The following FLACC1 variants were observed in gnomAD, a reference collection of about 807,000 sequenced individuals.
FLACC1 encodes flagellum-associated coiled-coil domain-containing protein 1.
A neutral mutation model predicts 62.8 loss-of-function variants in FLACC1; 66 were observed. The observed-to-expected ratio is 1.05, with a 90% CI of 0.86 to 1.29. The LOEUF (loss-of-function observed/expected upper bound fraction) is 1.29. Among genes scored for constraint, FLACC1 ranks in the 50% most tolerant of loss-of-function variants. The pLI is 0.00. For synonymous variants in FLACC1, 156 were observed against 161.0 expected (o/e 0.97, Z 0.24); for missense variants, 452 against 489.1 (o/e 0.92, Z 0.71).
intron 9 of FLACC1, among the ~76,000 whole-genome samples, chr2:201,317,365 AT>A (rs1462416295): frequency 1.3e-5 from 2 of 152,230 alleles, no homozygotes; most frequent in East Asian, 3.8e-4. Flanking sequence ...CAGATACAAA[AT>A]TAATGTGCAC....
intron 9 of FLACC1, among the ~76,000 whole-genome samples, chr2:201,311,364 T>C (rs974877530): frequency 1.3e-5 from 2 of 152,208 alleles, no homozygotes; most frequent in Admixed American, 6.5e-5. Context: ...AATATCCCTA[T>C]GAACATAGAC....
intron 7 of FLACC1, among the ~76,000 whole-genome samples, chr2:201,332,671 T>C (rs971335081): frequency 2.0e-5 from 3 of 152,184 alleles, no homozygotes; most frequent in Non-Finnish European, 1.5e-5. Flanking sequence ...ATATTTCTCC[T>C]GCCTAATTGA....
At chr2:201,336,286 C>T (rs1950695138) in intron 7 of FLACC1, among the ~76,000 whole-genome samples, 1 of 152,116 alleles carries the variant, frequency 6.6e-6, no homozygotes, top group African/African-American at 2.4e-5. Context: ...TGTGTTAATT[C>T]ACTTAGGATA....
chr2:201,296,867 A>G (rs1260246131), intron 12 of FLACC1, among the ~76,000 whole-genome samples: 1 of 152,162 alleles, frequency 6.6e-6, no homozygotes, highest in Non-Finnish European at 1.5e-5. Flanking sequence ...TACTGTTTAC[A>G]TTATGCTCCA....
chr2:201,293,169 G>C (rs976632994), intron 12 of FLACC1, among the ~76,000 whole-genome samples: 2 of 152,144 alleles, frequency 1.3e-5, no homozygotes, highest in South Asian at 4.2e-4. Context: ...GCACCAAGCA[G>C]ACCTAATAGA....
intron 12 of FLACC1, among the ~76,000 whole-genome samples, chr2:201,292,696 G>A (rs1429515454): frequency 6.6e-6 from 1 of 152,134 alleles, no homozygotes; most frequent in Non-Finnish European, 1.5e-5. Context: ...AAATGTAAAT[G>A]GGCTAAATGC....
At chr2:201,322,892 A>G (rs1950431600) in intron 9 of FLACC1, among the ~76,000 whole-genome samples, 1 of 152,096 alleles carries the variant, frequency 6.6e-6, no homozygotes, top group Non-Finnish European at 1.5e-5. Context: ...TATTATCAAG[A>G]AAAAACAATA....
intron 9 of FLACC1, among the ~76,000 whole-genome samples, chr2:201,320,994 C>G (rs1950393013): frequency 6.6e-6 from 1 of 152,212 alleles, no homozygotes; most frequent in Non-Finnish European, 1.5e-5. Flanking sequence ...GTAATCTCAG[C>G]TATCACCACT....
rs1010742306 is a variant in FLACC1 at position 201,335,934 on chromosome 2, C to G, written c.525-5101G>C. Among the ~76,000 whole-genome samples the G allele has an allele frequency of 1.2e-3, 188 of 152,182 alleles. 1 individual carries two copies. The highest frequency in any genetic ancestry group is 4.4e-3 in the African/African-American group (183 of 41,544). On this transcript the variant is annotated intron_variant, in intron 7 of 14. Transcript: ENST00000392257. ...CTAGCTATCTTATTTTTTAAGCTGT[C>G]ATAAATAGAATTGTCTTCTTAATTT...
intron 7 of FLACC1, among the ~76,000 whole-genome samples, chr2:201,332,891 C>T (rs1004024788): frequency 6.6e-6 from 1 of 152,136 alleles, no homozygotes; most frequent in African/African-American, 2.4e-5. Context: ...CCAGAATTTC[C>T]TTCTTTTTAA....
rs1004423229 is a variant in FLACC1 at position 201,299,238 on chromosome 2, C to A, written c.942G>T (p.Glu314Asp). The change falls in exon 12 of 15, where the codon GAG becomes GAT. Residue 314 changes from glutamate to aspartate, a missense_variant and splice_region_variant. Physicochemically the swap from Glu to Asp is conservative, Grantham distance 45 (BLOSUM62 2). Coordinates refer to ENST00000392257, the MANE Select transcript of FLACC1 (RefSeq NM_001127391.3). ...LQLEELRKTK[E>D]VMQEELHAQA... ...CACAGGAAAGGATGAAAAAGCTTAC[C>A]TCTTTGGTTTTTCTCAGCTCTTCTA... is the stretch of plus-strand genomic sequence containing the variant. 5 of 1,613,190 alleles carry A rather than the reference C, an allele frequency of 3.1e-6. No individual in the cohort carries two copies. The highest frequency in any genetic ancestry group is 4.2e-6 in the Non-Finnish European group (5 of 1,179,656).
intron 12 of FLACC1, among the ~76,000 whole-genome samples, chr2:201,295,786 A>C (rs1277376114): frequency 1.3e-5 from 2 of 152,220 alleles, no homozygotes; most frequent in East Asian, 3.8e-4. Flanking sequence ...AATATTCCAG[A>C]ATCTACAATG....
intron 3 of FLACC1, among the ~76,000 whole-genome samples, chr2:201,349,687 T>C (rs1478526790): frequency 6.6e-6 from 1 of 152,200 alleles, no homozygotes; most frequent in Non-Finnish European, 1.5e-5. Flanking sequence ...CGAGTAAAAA[T>C]TTTAATTTGT....
chr2:201,348,338 C>T (rs3731711), intron 3 of FLACC1, 36 bp from the exon 4 acceptor site: 1 of 1,605,534 alleles, frequency 6.2e-7, no homozygotes, highest in Admixed American at 1.7e-5. Flanking sequence ...AGCAACCAGA[C>T]AGCAAAGAGA....
At chr2:201,359,600 T>C (rs1009169542), upstream of FLACC1, among the ~76,000 whole-genome samples, 11 of 152,288 alleles carry the variant, frequency 7.2e-5, no homozygotes, top group African/African-American at 2.6e-4. Context: ...AGAGGTTTAT[T>C]AACCTCATGA....
intron 9 of FLACC1, among the ~76,000 whole-genome samples, chr2:201,315,009 G>T (rs928427454): frequency 2.6e-5 from 4 of 151,986 alleles, no homozygotes; most frequent in Non-Finnish European, 5.9e-5. Context: ...CACTACCAAG[G>T]CAGCACTACA....
intron 3 of FLACC1, 126 bp from the exon 4 acceptor site, chr2:201,348,428 C>G (rs1576477105): frequency 1.0e-6 from 1 of 962,366 alleles, no homozygotes; most frequent in Non-Finnish European, 1.5e-6. Flanking sequence ...TAGGGGATCC[C>G]TAGGATAGTT....
upstream of FLACC1, among the ~76,000 whole-genome samples, chr2:201,361,188 C>A (rs567395961): frequency 6.6e-6 from 1 of 152,288 alleles, no homozygotes; most frequent in African/African-American, 2.4e-5. Flanking sequence ...CATCATTAAC[C>A]ACATTCAGGT....
At chr2:201,302,795 T>C (rs1209372014) in intron 11 of FLACC1, among the ~76,000 whole-genome samples, 3 of 152,084 alleles carry the variant, frequency 2.0e-5, no homozygotes, top group Non-Finnish European at 4.4e-5. Flanking sequence ...ACAGCACAAC[T>C]ACATGGAAAC....
Sources: allele counts gnomAD v4.1 joint callset (sites outside exome capture counted in the v4.1 genomes callset), GRCh38; gene constraint gnomAD v4.1.1; transcripts MANE v1.5; gene names NCBI Gene and HGNC (gene_info 2026-07-23, HGNC 2026-07-21).